MAN1A1: variants seen among roughly 807,000 people sequenced by gnomAD.
MAN1A1 encodes mannosidase alpha class 1A member 1.
In MAN1A1, 29 loss-of-function variants were observed where a neutral mutation model predicts 70.8. That is an observed-to-expected ratio of 0.41 (90% CI 0.31 to 0.56). MAN1A1 has a LOEUF of 0.56. Ranked by LOEUF, MAN1A1 falls within the 20% of genes least tolerant of loss-of-function variation. The pLI is 0.29. For missense variants in MAN1A1, 747 were observed against 841.3 expected (o/e 0.89, Z 1.39); for synonymous variants, 349 against 330.1 (o/e 1.06, Z -0.62).
intron 6 of MAN1A1, among the ~76,000 whole-genome samples, chr6:119,240,989 C>T (rs1206936870): frequency 6.6e-6 from 1 of 152,088 alleles, no homozygotes; most frequent in Non-Finnish European, 1.5e-5. Flanking sequence ...GGCCAGGTTA[C>T]CAGCTGTTTA....
intron 5 of MAN1A1, among the ~76,000 whole-genome samples, chr6:119,289,475 C>G (rs1446856594): frequency 6.9e-6 from 1 of 144,810 alleles, no homozygotes; most frequent in Non-Finnish European, 1.5e-5. Flanking sequence ...TGGCTTAATC[C>G]TTAGTATACC....
intron 2 of MAN1A1, among the ~76,000 whole-genome samples, chr6:119,340,832 A>G (rs1034538347): frequency 6.6e-6 from 1 of 152,200 alleles, no homozygotes; most frequent in African/African-American, 2.4e-5. Flanking sequence ...AGTTAATATA[A>G]TATGTTCTGA....
At chr6:119,196,335 A>T (rs1433324303) in intron 8 of MAN1A1, among the ~76,000 whole-genome samples, 1 of 151,990 alleles carries the variant, frequency 6.6e-6, no homozygotes, top group Admixed American at 6.5e-5. Context: ...TAAAAAAAAA[A>T]AAACAAGACA....
At chr6:119,248,991 G>A (rs933937924) in intron 5 of MAN1A1, among the ~76,000 whole-genome samples, 5 of 152,166 alleles carry the variant, frequency 3.3e-5, no homozygotes, top group African/African-American at 9.7e-5. Flanking sequence ...CTAGAACACA[G>A]ATATAATGAG....
At position 119,179,868 on chromosome 6, in the gene MAN1A1, A is replaced by G. The variant is rs199809553; in HGVS notation, c.1913T>C (p.Leu638Pro). The G allele has an allele frequency of 6.2e-7, 1 of 1,613,164 alleles. No individual in the cohort carries two copies. The highest frequency in any genetic ancestry group is 8.5e-7 in the Non-Finnish European group (1 of 1,179,186). Residue 638 changes from leucine (L) to proline (P), a missense_variant, in exon 13 of 13, where the codon CTC (leucine) becomes CCC (proline). Around this residue, in one of 2 missense-constraint regions of MAN1A1, gnomAD observed 419 missense variants for 548.2 expected, o/e 0.76. Transcript: ENST00000368468. The part of the protein sequence containing the change: ...HWIFNSEAHL[L>P]PILPKDKKEV... Reference sequence around the variant, plus strand: ...CTTTTTATCTTTAGGGAGGATAGGGAGAAGATGTGCCTCGCTATTGAAGAT... The same window carrying G: ...CTTTTTATCTTTAGGGAGGATAGGGGGAAGATGTGCCTCGCTATTGAAGAT...
At chr6:119,185,430 G>C (rs929217187) in intron 11 of MAN1A1, among the ~76,000 whole-genome samples, 1 of 152,150 alleles carries the variant, frequency 6.6e-6, no homozygotes, top group Admixed American at 6.5e-5. Flanking sequence ...AGGCTGGGAA[G>C]GGAGTGCTTT....
intron 6 of MAN1A1, among the ~76,000 whole-genome samples, chr6:119,216,329 G>A (rs1433072691): frequency 1.3e-5 from 2 of 152,180 alleles, no homozygotes; most frequent in African/African-American, 4.8e-5. Flanking sequence ...AAGGCAGATC[G>A]TTGGTGGCCT....
chr6:119,250,461 T>C (rs1164245687), intron 5 of MAN1A1, among the ~76,000 whole-genome samples: 1 of 152,232 alleles, frequency 6.6e-6, no homozygotes, highest in African/African-American at 2.4e-5. Context: ...ATTTACTTTT[T>C]TAAAGGCTGT....
At chr6:119,183,041 T>C (rs1315114038) in intron 11 of MAN1A1, among the ~76,000 whole-genome samples, 3 of 152,156 alleles carry the variant, frequency 2.0e-5, no homozygotes, top group East Asian at 1.9e-4. Flanking sequence ...GGAAAGTAAG[T>C]ACCAGCCACG....
chr6:119,220,912 A>G (rs1190311574), intron 6 of MAN1A1, among the ~76,000 whole-genome samples: 6 of 152,216 alleles, frequency 3.9e-5, no homozygotes, highest in Non-Finnish European at 5.9e-5. Context: ...AAAAAACCCA[A>G]TATGTACAAA....
chr6:119,243,804 G>A (rs1308590017), intron 6 of MAN1A1, among the ~76,000 whole-genome samples: 2 of 152,048 alleles, frequency 1.3e-5, no homozygotes, highest in African/African-American at 2.4e-5. Context: ...AAATAAAACA[G>A]GTGAGGGGTT....
At position 119,179,960 on chromosome 6, in the gene MAN1A1, A is replaced by T. The variant is rs138117435; in HGVS notation, c.1836-15T>A. On this transcript the variant is annotated splice_polypyrimidine_tract_variant and intron_variant, in intron 12 of 12. Transcript: ENST00000368468. ...GGTACAAATATCTGGTGAGAGAAAC[A>T]TAAGTATATGAGGCCCAAGACACTA... 1.2e-6 allele frequency: 2 copies of T among 1,612,828 alleles called. No homozygotes were observed. The highest frequency in any genetic ancestry group is 1.3e-5 in the African/African-American group (1 of 74,874).
chr6:119,348,826 C>G lies in MAN1A1; in HGVS notation c.240G>C (p.Leu80Phe). The stretch of plus-strand genomic sequence containing the variant: ...CGGGCTTGTGGTCGGCGGCCGGCTG[C>G]AAGGCGGGGCTGGAGTGGAACAGGA... ...SGVLFHSSPA[L>F]QPAADHKPGP... Residue 80 changes from leucine to phenylalanine, a missense_variant, in exon 2 of 13, where the codon TTG (leucine) becomes TTC (phenylalanine). Physicochemically the swap from Leu to Phe is conservative, Grantham distance 22. Around this residue, in one of 2 missense-constraint regions of MAN1A1, gnomAD observed 328 missense variants for 293.1 expected, o/e 1.12. Coordinates refer to ENST00000368468, the MANE Select transcript of MAN1A1 (RefSeq NM_005907.4). 1 of 1,470,150 alleles carries G rather than the reference C, an allele frequency of 6.8e-7. No individual in the cohort carries two copies. Among genetic ancestry groups the G allele is most frequent in the Non-Finnish European group, 9.0e-7 (1 of 1,107,562 alleles). 91.1% of individuals were successfully genotyped at this position (1,470,150 alleles called of 1,614,324 possible). A position where few individuals can be genotyped will look rare whatever the true frequency, so the allele number is the denominator to read the frequency against.
At chr6:119,220,959 C>T (rs1230399693) in intron 6 of MAN1A1, among the ~76,000 whole-genome samples, 1 of 151,716 alleles carries the variant, frequency 6.6e-6, no homozygotes, top group Non-Finnish European at 1.5e-5. Context: ...TAAAAGTCCC[C>T]AGTGAAAACA....
intron 5 of MAN1A1, among the ~76,000 whole-genome samples, chr6:119,249,812 A>C (rs940295732): frequency 6.6e-6 from 1 of 152,186 alleles, no homozygotes; most frequent in Non-Finnish European, 1.5e-5. Flanking sequence ...TCTTAAAAAA[A>C]AATTTTTTTT....
chr6:119,294,048 C>T (rs1018580598), intron 4 of MAN1A1, among the ~76,000 whole-genome samples: 1 of 152,070 alleles, frequency 6.6e-6, no homozygotes, highest in Non-Finnish European at 1.5e-5. Flanking sequence ...GAACTAAAAC[C>T]TACCTTCCCA....
chr6:119,243,377 C>T (rs1331344540), intron 6 of MAN1A1, among the ~76,000 whole-genome samples: 1 of 151,902 alleles, frequency 6.6e-6, no homozygotes, highest in African/African-American at 2.4e-5. Context: ...AAACTGTTAG[C>T]AAATTTAATA....
intron 5 of MAN1A1, among the ~76,000 whole-genome samples, chr6:119,267,312 A>G (rs1200182767): frequency 7.3e-6 from 1 of 136,258 alleles, no homozygotes; most frequent in East Asian, 1.9e-4. Context: ...TCAGACATGT[A>G]TTATAGAATA....
At chr6:119,207,982 T>C (rs1773927916) in intron 6 of MAN1A1, among the ~76,000 whole-genome samples, 2 of 152,170 alleles carry the variant, frequency 1.3e-5, no homozygotes, top group South Asian at 4.1e-4. Context: ...GTCTATTTTA[T>C]AAAAACTAAT....
Sources: allele counts gnomAD v4.1 joint callset (sites outside exome capture counted in the v4.1 genomes callset), GRCh38; gene constraint gnomAD v4.1.1; regional missense constraint gnomAD v4.1.1; transcripts MANE v1.5; gene names NCBI Gene and HGNC (gene_info 2026-07-23, HGNC 2026-07-21).